The following CSMD1 variants were observed in gnomAD, a reference collection of about 807,000 sequenced individuals.
The protein encoded by CSMD1 is CUB and sushi domain-containing protein 1.
In CSMD1, 213 loss-of-function variants were observed where a neutral mutation model predicts 417.5. That is an observed-to-expected ratio of 0.51 (90% CI 0.46 to 0.57). The LOEUF is 0.57. Ranked by LOEUF, CSMD1 falls within the 20% of genes least tolerant of loss-of-function variation. The pLI, the probability that CSMD1 is intolerant of heterozygous loss-of-function variation, is 0.00. For missense variants in CSMD1, 6,923 were observed against 4,529.7 expected (o/e 1.53, Z -15.17); for synonymous variants, 2,862 against 1,736.8 (o/e 1.65, Z -16.11).
intron 14 of CSMD1, among the ~76,000 whole-genome samples, chr8:3,407,208 G>C (rs1395890688): frequency 4.0e-5 from 6 of 151,382 alleles, no homozygotes; most frequent in Non-Finnish European, 5.9e-5. Flanking sequence ...GGATGGATGG[G>C]TGAAATAATA....
intron 3 of CSMD1, among the ~76,000 whole-genome samples, chr8:4,078,347 C>G (rs553948488): frequency 1.6e-5 from 2 of 127,622 alleles, no homozygotes; most frequent in Non-Finnish European, 1.6e-5. Context: ...GGGAGTCTTG[C>G]TCTGTGTCGC....
At chr8:3,230,576 T>G (rs1426303059) in intron 26 of CSMD1, among the ~76,000 whole-genome samples, 1 of 152,124 alleles carries the variant, frequency 6.6e-6, no homozygotes, top group Non-Finnish European at 1.5e-5. Context: ...TGAAACCCCA[T>G]ACTGCAAATT....
At chr8:3,890,684 G>A (rs1160881082) in intron 5 of CSMD1, among the ~76,000 whole-genome samples, 2 of 151,604 alleles carry the variant, frequency 1.3e-5, no homozygotes, top group African/African-American at 4.8e-5. Context: ...TACTCCAAAT[G>A]AGTCCTGCCC....
At chr8:3,080,791 A>G (rs952766330) in intron 49 of CSMD1, among the ~76,000 whole-genome samples, 7 of 152,216 alleles carry the variant, frequency 4.6e-5, no homozygotes, top group African/African-American at 7.2e-5. Flanking sequence ...TCTATTTTAC[A>G]TGGCAGAAAG....
At chr8:3,065,218 T>C (rs1434275121) in intron 49 of CSMD1, among the ~76,000 whole-genome samples, 1 of 151,900 alleles carries the variant, frequency 6.6e-6, no homozygotes, top group African/African-American at 2.4e-5. Context: ...GATAGATAAA[T>C]GACAGATGAT....
intron 5 of CSMD1, among the ~76,000 whole-genome samples, chr8:3,909,292 G>A (rs1042230735): frequency 1.3e-5 from 2 of 152,172 alleles, no homozygotes; most frequent in African/African-American, 2.4e-5. Flanking sequence ...CCTCATTGAA[G>A]TCTGTAACTT....
At chr8:4,349,159 C>T (rs1244712547) in intron 3 of CSMD1, among the ~76,000 whole-genome samples, 1 of 152,116 alleles carries the variant, frequency 6.6e-6, no homozygotes, top group Non-Finnish European at 1.5e-5. Context: ...TGCATATGTG[C>T]TTTTGGTGTA....
chr8:4,413,770 C>G (rs17070185), intron 3 of CSMD1, among the ~76,000 whole-genome samples: 4,311 of 151,892 alleles, frequency 0.028, 99 homozygotes, highest in African/African-American at 0.067. Flanking sequence ...GGAGGACAAA[C>G]GAGAGATTTC....
In CSMD1 at chr8:3,021,438, T is replaced by G. The variant is rs552108242; in HGVS notation, c.7856-2788A>C. On this transcript the variant is annotated intron_variant, in intron 51 of 69. Coordinates refer to ENST00000635120, the MANE Select transcript of CSMD1 (RefSeq NM_033225.6). ...AGCCCCTCACTACTAAAAATAGGCT[T>G]TGTCATACACCGAAGGGAAAGCCTT... Among the ~76,000 whole-genome samples the G allele has an allele frequency of 3.3e-5, 5 of 152,350 alleles. No individual in the cohort carries two copies. The East Asian group carries it at 9.6e-4, about 29-fold the overall frequency.
intron 3 of CSMD1, among the ~76,000 whole-genome samples, chr8:4,308,795 G>A (rs11785855): frequency 0.63 from 95,190 of 151,668 alleles, 30,889 homozygotes; most frequent in East Asian, 0.86. Context: ...CTAATTCACA[G>A]ATGAGTTATT....
chr8:4,925,330 G>A (rs1585341062), intron 1 of CSMD1, among the ~76,000 whole-genome samples: 1 of 147,140 alleles, frequency 6.8e-6, no homozygotes. Flanking sequence ...TCTTTGACGG[G>A]GTCATGTGTT....
chr8:4,722,746 T>C lies in CSMD1; in HGVS notation c.86-85188A>G, dbSNP rs556884993. ...TACGGAAAGAAAAATTTGGTAGTCGTCAGGAAAATTACAGTCACTTGAACT... is the reference window on the plus strand; with the variant it reads ...TACGGAAAGAAAAATTTGGTAGTCGCCAGGAAAATTACAGTCACTTGAACT... On this transcript the variant is annotated intron_variant, in intron 1 of 69. Coordinates refer to ENST00000635120, the MANE Select transcript of CSMD1 (RefSeq NM_033225.6). Among the ~76,000 whole-genome samples the C allele has an allele frequency of 3.3e-5, 5 of 152,294 alleles. No homozygotes were observed. In the East Asian group the frequency reaches 9.6e-4, roughly 29 times the overall value.
At chr8:3,377,094 G>C (rs1440485893) in intron 18 of CSMD1, among the ~76,000 whole-genome samples, 7 of 152,086 alleles carry the variant, frequency 4.6e-5, no homozygotes, top group Non-Finnish European at 8.8e-5. Flanking sequence ...CTGCAGCCTT[G>C]ACCACCTGGG....
At chr8:3,893,116 C>A (rs963977568) in intron 5 of CSMD1, among the ~76,000 whole-genome samples, 1 of 151,714 alleles carries the variant, frequency 6.6e-6, no homozygotes, top group African/African-American at 2.4e-5. Context: ...AAAAACATGA[C>A]AAAATCATCC....
chr8:4,844,400 A>T (rs1801015643), intron 1 of CSMD1, among the ~76,000 whole-genome samples: 1 of 152,120 alleles, frequency 6.6e-6, no homozygotes, highest in Non-Finnish European at 1.5e-5. Context: ...ACAGATCTGA[A>T]TATGGATGCT....
At chr8:4,751,171 G>A (rs936504990) in intron 1 of CSMD1, among the ~76,000 whole-genome samples, 1 of 152,188 alleles carries the variant, frequency 6.6e-6, no homozygotes, top group African/African-American at 2.4e-5. Flanking sequence ...GATCACCTGA[G>A]GTAAGGAATT....
chr8:4,419,423 C>G (rs1210048253), intron 3 of CSMD1, among the ~76,000 whole-genome samples: 1 of 152,054 alleles, frequency 6.6e-6, no homozygotes, highest in Non-Finnish European at 1.5e-5. Flanking sequence ...GATAGCAATA[C>G]CTCAAAGGTA....
rs150709721 is a variant in CSMD1, at chr8:3,276,280, G to T, written c.4153+7864C>A. ...CACTTGAGGAGGCAGTCTTCCTGTT[G>T]TCAGATCTCCAGCTGCATGCTGGGA... On this transcript the variant is annotated intron_variant, in intron 26 of 69. Transcript: ENST00000635120. Among the ~76,000 whole-genome samples the T allele has an allele frequency of 9.3e-3, 1,417 of 152,278 alleles. 11 individuals carry two copies. Among genetic ancestry groups the T allele is most frequent in the Middle Eastern group, 0.02 (6 of 294 alleles).
intron 2 of CSMD1, among the ~76,000 whole-genome samples, chr8:4,428,419 A>G (rs1314020097): frequency 6.6e-6 from 1 of 152,222 alleles, no homozygotes; most frequent in Non-Finnish European, 1.5e-5. Flanking sequence ...GAATACCTAA[A>G]TGATTTGCTA....
Sources: allele counts gnomAD v4.1 joint callset (sites outside exome capture counted in the v4.1 genomes callset), GRCh38; gene constraint gnomAD v4.1.1; transcripts MANE v1.5; gene names NCBI Gene and HGNC (gene_info 2026-07-23, HGNC 2026-07-21).